GRIK2: variants seen among roughly 807,000 people sequenced by gnomAD.
GRIK2 encodes the protein glutamate ionotropic receptor kainate type subunit 2.
In GRIK2, 32 loss-of-function variants were observed where a neutral mutation model predicts 100.3. The ratio of observed to expected loss-of-function variants is 0.32; its 90% CI spans 0.24 to 0.43. GRIK2 has a LOEUF of 0.43. Ranked by LOEUF, GRIK2 falls within the 20% of genes least tolerant of loss-of-function variation. GRIK2 has a pLI of 1.00. For synonymous variants in GRIK2, 417 were observed against 389.4 expected (o/e 1.07, Z -0.83); for missense variants, 843 against 1,114.9 (o/e 0.76, Z 3.47).
At chr6:101,589,475 G>T (rs1209457165) in intron 2 of GRIK2, among the ~76,000 whole-genome samples, 1 of 152,012 alleles carries the variant, frequency 6.6e-6, no homozygotes, top group Admixed American at 6.6e-5. Context: ...TATTCTAGCT[G>T]CCAGTAAACA....
chr6:101,482,700 T>C (rs1005055379), intron 2 of GRIK2, among the ~76,000 whole-genome samples: 2 of 151,826 alleles, frequency 1.3e-5, no homozygotes, highest in Non-Finnish European at 2.9e-5. Context: ...TAGACTAATA[T>C]AGATAAGAAA....
chr6:101,808,932 A>G (rs888615472), intron 9 of GRIK2, among the ~76,000 whole-genome samples: 6 of 151,300 alleles, frequency 4.0e-5, no homozygotes, highest in African/African-American at 1.5e-4. Flanking sequence ...AAAAAAATAC[A>G]GAAAGACATT....
intron 2 of GRIK2, among the ~76,000 whole-genome samples, chr6:101,551,668 C>A (rs1461318126): frequency 6.6e-6 from 1 of 152,092 alleles, no homozygotes; most frequent in Non-Finnish European, 1.5e-5. Context: ...GAAGACAAAG[C>A]CTCTGCCCCT....
intron 2 of GRIK2, among the ~76,000 whole-genome samples, chr6:101,530,993 G>T (rs536108109): frequency 1.4e-4 from 22 of 152,064 alleles, no homozygotes; most frequent in African/African-American, 5.3e-4. Flanking sequence ...TCAGAGAATC[G>T]GAATGTGAGA....
In GRIK2 at chr6:101,464,497, C is replaced by CTTTTTTTT. The variant is rs71028069; in HGVS notation, c.115+65136_115+65143dup. Among the ~76,000 whole-genome samples, 8 of 62,012 alleles carry CTTTTTTTT rather than the reference C, an allele frequency of 1.3e-4. 1 individual carries two copies. The highest frequency in any genetic ancestry group is 2.2e-4 in the Admixed American group (1 of 4,628). The allele number at this position is 62,012 out of a possible 152,430, so 40.7% of individuals were successfully genotyped here. ...TAATTTTTACCTTTTCTTTTTCTTT[C>CTTTTTTTT]TTTTTTTTTTTTTTTTTTTTTTTTT... is the stretch of plus-strand genomic sequence containing the variant. On this transcript the variant is annotated intron_variant, in intron 2 of 16. Transcript: ENST00000369134.
intron 14 of GRIK2, among the ~76,000 whole-genome samples, chr6:102,027,992 T>C (rs1769791793): frequency 6.6e-6 from 1 of 151,166 alleles, no homozygotes; most frequent in African/African-American, 2.4e-5. Flanking sequence ...AAAGCACTAT[T>C]CTTACACTGA....
At chr6:101,590,217 C>T (rs1414326407) in intron 2 of GRIK2, among the ~76,000 whole-genome samples, 1 of 152,052 alleles carries the variant, frequency 6.6e-6, no homozygotes. Context: ...GGCATCTCAG[C>T]TCCAAATCTA....
At chr6:101,554,378 C>A (rs117288738) in intron 2 of GRIK2, among the ~76,000 whole-genome samples, 1 of 152,068 alleles carries the variant, frequency 6.6e-6, no homozygotes, top group African/African-American at 2.4e-5. Context: ...ACTTTTTGTT[C>A]TTTGCAACAC....
At chr6:101,704,938 T>G (rs1009533149) in intron 7 of GRIK2, among the ~76,000 whole-genome samples, 5 of 147,638 alleles carry the variant, frequency 3.4e-5, no homozygotes, top group African/African-American at 1.2e-4. Context: ...ATATATAAAA[T>G]GTATCTATAT....
chr6:101,868,395 A>G (rs1483576295), intron 11 of GRIK2, among the ~76,000 whole-genome samples: 1 of 151,790 alleles, frequency 6.6e-6, no homozygotes, highest in East Asian at 1.9e-4. Flanking sequence ...GTCAGTAATA[A>G]AAATTTTGTA....
chr6:101,498,571 G>T (rs1178550386), intron 2 of GRIK2, among the ~76,000 whole-genome samples: 2 of 150,292 alleles, frequency 1.3e-5, no homozygotes, highest in African/African-American at 4.9e-5. Context: ...TAACTGGTGT[G>T]AGATGGTATC....
intron 2 of GRIK2, among the ~76,000 whole-genome samples, chr6:101,519,597 A>G (rs1458355791): frequency 2.0e-5 from 3 of 152,108 alleles, no homozygotes; most frequent in African/African-American, 7.2e-5. Flanking sequence ...AAGTCCCAGA[A>G]TACAAAATAT....
chr6:101,800,108 A>G (rs1780579592), intron 8 of GRIK2, among the ~76,000 whole-genome samples: 2 of 152,114 alleles, frequency 1.3e-5, no homozygotes, highest in African/African-American at 4.8e-5. Flanking sequence ...ATGCATTTTT[A>G]ACATAAATGT....
rs113042373 is a variant in GRIK2, at chr6:101,484,021, T to C, written c.115+84629T>C. ...AGTGTTGTATAGACTTTTCTAAGCA[T>C]ATGGAAATATGTCAGCATTGGTTTA... On this transcript the variant is annotated intron_variant, in intron 2 of 16. Transcript: ENST00000369134. Among the ~76,000 whole-genome samples the C allele has an allele frequency of 2.2e-3, 340 of 152,358 alleles. 1 individual carries two copies. The highest frequency in any genetic ancestry group is 7.7e-3 in the African/African-American group (319 of 41,594).
At chr6:101,771,951 G>A (rs1380902765) in intron 7 of GRIK2, among the ~76,000 whole-genome samples, 1 of 151,968 alleles carries the variant, frequency 6.6e-6, no homozygotes, top group Non-Finnish European at 1.5e-5. Context: ...CATTTGGGTT[G>A]GTTCCAAGTC....
chr6:101,902,353 A>G (rs1787905134), intron 12 of GRIK2, among the ~76,000 whole-genome samples: 1 of 152,070 alleles, frequency 6.6e-6, no homozygotes, highest in South Asian at 2.1e-4. Flanking sequence ...AATATACACA[A>G]TGTATGAAGA....
intron 11 of GRIK2, among the ~76,000 whole-genome samples, chr6:101,864,067 GC>G (rs1784901928): frequency 6.6e-6 from 1 of 150,792 alleles, no homozygotes; most frequent in African/African-American, 2.4e-5. Flanking sequence ...AACCCGGGAA[GC>G]GGAGCTTGCA....
chr6:101,993,881 A>G (rs1210309787), intron 14 of GRIK2: 1 of 147,988 alleles, frequency 6.8e-6, no homozygotes, highest in African/African-American at 2.5e-5. Flanking sequence ...ATAAATAGGT[A>G]CATTGATATA....
intron 1 of GRIK2, among the ~76,000 whole-genome samples, chr6:101,394,813 T>G (rs1038643653): frequency 6.6e-6 from 1 of 152,152 alleles, no homozygotes; most frequent in Non-Finnish European, 1.5e-5. Flanking sequence ...CCTTAAAAAC[T>G]TTTGAGTCAA....
Sources: gnomAD v4.1 joint callset for allele counts (sites outside exome capture counted in the v4.1 genomes callset) on GRCh38, gnomAD v4.1.1 for gene constraint, MANE v1.5 for transcripts, NCBI Gene and HGNC (gene_info 2026-07-23, HGNC 2026-07-21) for gene names.